Variants in SDK1 observed in about 807,000 individuals in gnomAD.
SDK1 encodes protein sidekick-1.
In SDK1, 157 loss-of-function variants were observed where a neutral mutation model predicts 245.5. That is an observed-to-expected ratio of 0.64 (90% CI 0.56 to 0.73). The LOEUF (loss-of-function observed/expected upper bound fraction) is 0.73, where lower values mean the gene tolerates loss of function less well. Ranked by LOEUF, SDK1 falls within the 30% of genes least tolerant of loss-of-function variation. SDK1 has a pLI of 0.00. For missense variants in SDK1, 3,583 were observed against 3,002.3 expected (o/e 1.19, Z -4.52); for synonymous variants, 1,647 against 1,278.5 (o/e 1.29, Z -6.15).
chr7:3,933,751 G>T (rs753841504), intron 5 of SDK1, among the ~76,000 whole-genome samples: 4 of 152,162 alleles, frequency 2.6e-5, no homozygotes, highest in Admixed American at 6.5e-5. Context: ...TCTGTTCCAG[G>T]TACTACTGCC....
intron 1 of SDK1, among the ~76,000 whole-genome samples, chr7:3,591,367 CT>C (rs1180979840): frequency 1.3e-5 from 2 of 152,196 alleles, no homozygotes; most frequent in Non-Finnish European, 2.9e-5. Context: ...TAATTTAGTA[CT>C]TTCATCTGAT....
chr7:4,035,979 A>C (rs1197443972), intron 17 of SDK1, among the ~76,000 whole-genome samples: 1 of 152,238 alleles, frequency 6.6e-6, no homozygotes, highest in Non-Finnish European at 1.5e-5. Flanking sequence ...AATTTGTATG[A>C]AACTTCCAAG....
At chr7:3,892,469 C>A (rs928863216) in intron 5 of SDK1, among the ~76,000 whole-genome samples, 1 of 152,268 alleles carries the variant, frequency 6.6e-6, no homozygotes, top group Non-Finnish European at 1.5e-5. Context: ...ACCTGGCAGC[C>A]GTCCCCTCCT....
chr7:4,068,403 CCTTCTCAGACACAGCCAGGTGG>C (rs1284009294), intron 20 of SDK1, among the ~76,000 whole-genome samples: 1 of 152,198 alleles, frequency 6.6e-6, no homozygotes, highest in Non-Finnish European at 1.5e-5. Context: ...GGGCAGCCAG[CCTTCTCAGACACAGCCAGGTGG>C]TGTGACTATG....
At chr7:3,880,849 C>T (rs1471105706) in intron 5 of SDK1, among the ~76,000 whole-genome samples, 1 of 152,080 alleles carries the variant, frequency 6.6e-6, no homozygotes, top group African/African-American at 2.4e-5. Context: ...GAAGGCAGCA[C>T]TTGTTAGGAA....
At position 4,259,788 on chromosome 7, in the gene SDK1, C is replaced by T. The variant is rs541746513; in HGVS notation, c.6382-5336C>T. ...TTGGAATTTGGAATGGAGGGTTGTA[C>T]ACCTGTTGCGCGGATCCTAGAGAGA... On this transcript the variant is annotated intron_variant, in intron 44 of 44. Transcript: ENST00000404826. 9.9e-5 allele frequency among the ~76,000 whole-genome samples: 15 copies of T among 152,276 alleles called. No homozygotes were observed. The East Asian group carries it at 2.9e-3, about 29-fold the overall frequency.
intron 4 of SDK1, among the ~76,000 whole-genome samples, chr7:3,780,690 G>A (rs1169498817): frequency 6.6e-6 from 1 of 151,990 alleles, no homozygotes; most frequent in Admixed American, 6.6e-5. Flanking sequence ...CCAGAAAGTC[G>A]AGCTGTGGCT....
chr7:3,800,410 C>G (rs1269149910), intron 4 of SDK1, among the ~76,000 whole-genome samples: 1 of 146,424 alleles, frequency 6.8e-6, no homozygotes, highest in Non-Finnish European at 1.5e-5. Flanking sequence ...GAGACAGAGT[C>G]TCACTCTGTC....
chr7:3,316,248 C>T (rs1779659966), intron 1 of SDK1, among the ~76,000 whole-genome samples: 1 of 152,016 alleles, frequency 6.6e-6, no homozygotes, highest in Non-Finnish European at 1.5e-5. Context: ...TATAAGGGTC[C>T]TGAAAGATTA....
chr7:4,178,376 C>T (rs369867833), intron 34 of SDK1, 109 bp from the exon 35 acceptor site: 2 of 793,024 alleles, frequency 2.5e-6, no homozygotes, highest in South Asian at 1.5e-5. Flanking sequence ...AATCCCGCCT[C>T]CTCTCCTTGG....
intron 1 of SDK1, among the ~76,000 whole-genome samples, chr7:3,592,686 A>G (rs1339619872): frequency 2.0e-5 from 3 of 152,162 alleles, no homozygotes; most frequent in Admixed American, 6.6e-5. Flanking sequence ...CAGCAGGCTG[A>G]TGAAGCGTGG....
chr7:3,304,337 C>G (rs1302465614), intron 1 of SDK1, among the ~76,000 whole-genome samples: 1 of 152,188 alleles, frequency 6.6e-6, no homozygotes, highest in Admixed American at 6.5e-5. Context: ...TGCCATCCAC[C>G]AAGGAGCCAG....
intron 5 of SDK1, among the ~76,000 whole-genome samples, chr7:3,881,175 G>A (rs1009745255): frequency 1.3e-4 from 19 of 151,976 alleles, no homozygotes; most frequent in African/African-American, 4.4e-4. Context: ...GTGCCATGGT[G>A]GTTTGCTACA....
At chr7:4,022,913 A>T (rs1429675107) in intron 17 of SDK1, among the ~76,000 whole-genome samples, 1 of 151,452 alleles carries the variant, frequency 6.6e-6, no homozygotes, top group Admixed American at 6.6e-5. Context: ...AGCTGGGACC[A>T]CAGGCGCCCG....
chr7:3,967,459 C>A, intron 10 of SDK1, 25 bp downstream of exon 10: 1 of 1,379,260 alleles, frequency 7.3e-7, no homozygotes, highest in Non-Finnish European at 1.0e-6. Flanking sequence ...CTGCCCACAA[C>A]AGCATGGCCC....
chr7:3,572,700 A>C (rs114412420), intron 1 of SDK1, among the ~76,000 whole-genome samples: 519 of 152,168 alleles, frequency 3.4e-3, no homozygotes, highest in African/African-American at 0.011. Context: ...CAGGCGTGAT[A>C]CTAGGTATAG....
intron 4 of SDK1, among the ~76,000 whole-genome samples, chr7:3,820,920 G>A (rs57299839): frequency 0.012 from 1,891 of 152,348 alleles, 33 homozygotes; most frequent in African/African-American, 0.043. Flanking sequence ...AGTTAATAAT[G>A]ATGGTAGAAG....
At chr7:3,909,026 A>G (rs993082934) in intron 5 of SDK1, among the ~76,000 whole-genome samples, 1 of 151,970 alleles carries the variant, frequency 6.6e-6, no homozygotes, top group Non-Finnish European at 1.5e-5. Flanking sequence ...GGGTGGGAGG[A>G]GATGAGGAAG....
chr7:4,083,189 G>C (rs1781173248), intron 22 of SDK1, among the ~76,000 whole-genome samples: 1 of 152,176 alleles, frequency 6.6e-6, no homozygotes. Context: ...CACCTGGGAA[G>C]CTGTGACCAC....
Sources: allele counts gnomAD v4.1 joint callset (sites outside exome capture counted in the v4.1 genomes callset), GRCh38; gene constraint gnomAD v4.1.1; transcripts MANE v1.5; gene names NCBI Gene and HGNC (gene_info 2026-07-23, HGNC 2026-07-21).